Variants in DAB1 observed in about 807,000 individuals in gnomAD.
The protein encoded by DAB1 is disabled homolog 1.
A neutral mutation model predicts 64.6 loss-of-function variants in DAB1; 15 were observed. The observed-to-expected ratio is 0.23, with a 90% CI of 0.16 to 0.36. The LOEUF (loss-of-function observed/expected upper bound fraction) is 0.36, where lower values mean the gene tolerates loss of function less well. Ranked by LOEUF, DAB1 falls within the 10% of genes least tolerant of loss-of-function variation. The probability of loss-of-function intolerance (pLI) is 1.00; values close to 1 mark genes in which losing one functional copy is unlikely to be tolerated. For missense variants in DAB1, 596 were observed against 706.7 expected (o/e 0.84, Z 1.78); for synonymous variants, 235 against 251.9 (o/e 0.93, Z 0.64).
At chr1:57,389,177 T>C (rs1682128483) in intron 1 of DAB1, among the ~76,000 whole-genome samples, 2 of 152,190 alleles carry the variant, frequency 1.3e-5, no homozygotes, top group Non-Finnish European at 2.9e-5. Flanking sequence ...ATTATTTCTC[T>C]CCTACACCCG....
chr1:57,167,476 TG>T (rs887361549), intron 2 of DAB1, among the ~76,000 whole-genome samples: 9 of 152,184 alleles, frequency 5.9e-5, no homozygotes, highest in African/African-American at 2.2e-4. Flanking sequence ...AGATCCTTAA[TG>T]GAGCATTCTC....
rs1303387728 is a variant in DAB1, at chr1:58,097,085, G to A, written n.387+53426C>T. ...TTTCATTCCACAGTTATTTGTTGAG[G>A]GCCAACTGAGAATTCAGTAGTAATT... On this transcript the variant is annotated intron_variant and non_coding_transcript_variant, in intron 5 of 20. Transcript: ENST00000485760. Among the ~76,000 whole-genome samples the A allele has an allele frequency of 9.2e-5, 14 of 152,254 alleles. No homozygotes were observed. In the East Asian group the frequency reaches 2.7e-3, roughly 29 times the overall value.
intron 4 of DAB1, among the ~76,000 whole-genome samples, chr1:58,303,293 A>C (rs775676894): frequency 1.6e-4 from 25 of 152,072 alleles, no homozygotes; most frequent in Admixed American, 1.6e-3. Context: ...TGCTGTTGCT[A>C]ATCTTTGGGG....
chr1:58,082,792 G>A (rs770577919), intron 5 of DAB1, among the ~76,000 whole-genome samples: 28 of 151,846 alleles, frequency 1.8e-4, no homozygotes, highest in Non-Finnish European at 3.5e-4. Flanking sequence ...GAGGGGACAG[G>A]ACACAGCAGA....
At chr1:57,150,135 T>C (rs1025539308) in intron 2 of DAB1, among the ~76,000 whole-genome samples, 2 of 152,158 alleles carry the variant, frequency 1.3e-5, no homozygotes, top group Non-Finnish European at 2.9e-5. Flanking sequence ...CGTTGGTAAG[T>C]TCCTTTACAT....
chr1:57,086,171 C>T (rs1441085376), intron 4 of DAB1, among the ~76,000 whole-genome samples: 2 of 152,084 alleles, frequency 1.3e-5, no homozygotes, highest in Non-Finnish European at 2.9e-5. Context: ...TTCTAATTGA[C>T]CCTGCTGTTA....
intron 2 of DAB1, among the ~76,000 whole-genome samples, chr1:57,278,454 C>T (rs1461332411): frequency 6.6e-6 from 1 of 152,100 alleles, no homozygotes; most frequent in African/African-American, 2.4e-5. Flanking sequence ...CTCAGCTGAA[C>T]ACACAATATA....
intron 5 of DAB1, among the ~76,000 whole-genome samples, chr1:58,055,764 G>T (rs1309745397): frequency 6.6e-6 from 1 of 152,098 alleles, no homozygotes; most frequent in Non-Finnish European, 1.5e-5. Flanking sequence ...GAGTGCAGTG[G>T]CGTCATCTCG....
At chr1:57,569,892 C>G (rs371769997) in intron 7 of DAB1, among the ~76,000 whole-genome samples, 1 of 151,950 alleles carries the variant, frequency 6.6e-6, no homozygotes, top group African/African-American at 2.4e-5. Context: ...TCCCGTTGTA[C>G]GAAGGATAGT....
At chr1:57,633,491 C>T (rs920886181) in intron 7 of DAB1, among the ~76,000 whole-genome samples, 17 of 152,136 alleles carry the variant, frequency 1.1e-4, no homozygotes, top group African/African-American at 3.9e-4. Context: ...TGAGGACCGG[C>T]TGAAGGAAGA....
intron 4 of DAB1, among the ~76,000 whole-genome samples, chr1:58,321,893 G>C (rs1396545470): frequency 6.6e-6 from 1 of 152,232 alleles, no homozygotes; most frequent in Non-Finnish European, 1.5e-5. Flanking sequence ...CTGTCTGACA[G>C]CTCTGAAGAG....
At chr1:57,883,847 T>C (rs1337562831) in intron 1 of DAB1, among the ~76,000 whole-genome samples, 1 of 152,174 alleles carries the variant, frequency 6.6e-6, no homozygotes, top group East Asian at 1.9e-4. Flanking sequence ...ATAATGAACC[T>C]TGGGTTATTA....
intron 6 of DAB1, among the ~76,000 whole-genome samples, chr1:57,781,120 CTCTCTCTATATA>C (rs1282730132): frequency 2.7e-4 from 13 of 48,330 alleles, no homozygotes; most frequent in Admixed American, 8.1e-4. Context: ...CTCTCTCTCT[CTCTCTCTATATA>C]TATATATATA....
At chr1:57,184,934 C>A (rs567309422) in intron 2 of DAB1, among the ~76,000 whole-genome samples, 263 of 152,234 alleles carry the variant, frequency 1.7e-3, no homozygotes, top group African/African-American at 6.0e-3. Flanking sequence ...GCACATGGAC[C>A]CCGCAGGCAT....
At position 58,053,161 on chromosome 1, in the gene DAB1, C is replaced by T. The variant is rs573851648; in HGVS notation, n.387+97350G>A. Among the ~76,000 whole-genome samples, 12 of 152,266 alleles carry T rather than the reference C, an allele frequency of 7.9e-5. No homozygotes were observed. The South Asian group carries it at 1.9e-3, about 24-fold the overall frequency. On this transcript the variant is annotated intron_variant and non_coding_transcript_variant, in intron 5 of 20. Transcript: ENST00000485760. ...ATCTCCCATTACCCAATTCTAAAGCCGCTTTCACATATTCAGCTATCTTTA... is the reference window on the plus strand; with the variant it reads ...ATCTCCCATTACCCAATTCTAAAGCTGCTTTCACATATTCAGCTATCTTTA...
At position 57,222,573 on chromosome 1, in the gene DAB1, TG is replaced by T. The variant is rs554840884; in HGVS notation, c.67+68390del. ...AGTGGCCAGCATGCTTAGGGAGAAA[TG>T]GGGAGAAAGCTCTTGTAATGGATAC... On this transcript the variant is annotated intron_variant, in intron 2 of 14. Transcript: ENST00000371236. 6.0e-3 allele frequency among the ~76,000 whole-genome samples: 914 copies of T among 151,944 alleles called. 5 individuals are homozygous for T. The highest frequency in any genetic ancestry group is 8.8e-3 in the Non-Finnish European group (600 of 67,948).
At chr1:58,399,862 A>G (rs1644555005) in intron 3 of DAB1, among the ~76,000 whole-genome samples, 1 of 152,166 alleles carries the variant, frequency 6.6e-6, no homozygotes, top group Non-Finnish European at 1.5e-5. Context: ...GGTCTAGAAA[A>G]TGCCAAACCA....
chr1:57,473,364 G>C (rs1197346528), intron 7 of DAB1, among the ~76,000 whole-genome samples: 1 of 152,264 alleles, frequency 6.6e-6, no homozygotes, highest in East Asian at 1.9e-4. Flanking sequence ...TCCCTCAAGG[G>C]AAGGGCCCTT....
intron 7 of DAB1, among the ~76,000 whole-genome samples, chr1:57,557,947 T>C (rs1487661683): frequency 6.6e-6 from 1 of 152,198 alleles, no homozygotes; most frequent in Non-Finnish European, 1.5e-5. Context: ...GTGAGAGTCT[T>C]ATCTCCTGTA....
Sources: allele counts gnomAD v4.1 joint callset (sites outside exome capture counted in the v4.1 genomes callset), GRCh38; gene constraint gnomAD v4.1.1; transcripts MANE v1.5; gene names NCBI Gene and HGNC (gene_info 2026-07-23, HGNC 2026-07-21).